Variants in CUBN observed in about 807,000 individuals in gnomAD.
CUBN encodes cubilin.
A neutral mutation model predicts 405.3 loss-of-function variants in CUBN; 282 were observed. The observed-to-expected ratio is 0.70, with a 90% confidence interval of 0.63 to 0.77. The LOEUF (loss-of-function observed/expected upper bound fraction) is 0.77. CUBN is among the 30% of genes least tolerant of loss of function. The pLI, the probability that CUBN is intolerant of heterozygous loss-of-function variation, is 0.00. For missense variants in CUBN, 4,514 were observed against 4,475.2 expected (o/e 1.01, Z -0.25); for synonymous variants, 1,684 against 1,617.0 (o/e 1.04, Z -0.99).
At chr10:16,904,341 T>A (rs1171626824) in intron 50 of CUBN, among the ~76,000 whole-genome samples, 1 of 152,238 alleles carries the variant, frequency 6.6e-6, no homozygotes. Flanking sequence ...GAAATGAACC[T>A]CTATGATGGA....
At chr10:16,854,282 C>A (rs1432799964) in intron 59 of CUBN, among the ~76,000 whole-genome samples, 1 of 152,158 alleles carries the variant, frequency 6.6e-6, no homozygotes, top group African/African-American at 2.4e-5. Context: ...GAATAGGGCA[C>A]ATGAAGGAGA....
Position 16,906,249 on chromosome 10 carries a change from T to C in CUBN, c.7866A>G (p.Leu2622=), listed in dbSNP as rs2131435132. The change falls in exon 50 of 67, where the codon CTA becomes CTG. Residue 2622 remains leucine, a synonymous_variant. Coordinates refer to ENST00000377833, the MANE Select transcript of CUBN (RefSeq NM_001081.4). ...SISIHFEDFY[L]ESHQDCQFDV... ...CAAATTGACAGTCTTGGTGACTTTC[T>C]AGGTAAAAATCTTCAAAGTGAATGG... is the stretch of plus-strand genomic sequence containing the variant. 1 of 1,614,148 alleles carries C rather than the reference T, an allele frequency of 6.2e-7. No homozygotes were observed. The highest frequency in any genetic ancestry group is 8.5e-7 in the Non-Finnish European group (1 of 1,179,978).
rs200808196 is a variant in CUBN at position 16,900,653 on chromosome 10, A to G, written c.8382T>C (p.Phe2794=). 1.9e-5 allele frequency: 30 copies of G among 1,614,068 alleles called. No individual in the cohort carries two copies. Among genetic ancestry groups the G allele is most frequent in the African/African-American group, 2.7e-5 (2 of 74,956 alleles). The change falls in exon 53 of 67, where the codon TTT becomes TTC. Residue 2794 remains phenylalanine (F), a synonymous_variant. Coordinates refer to ENST00000377833, the MANE Select transcript of CUBN (RefSeq NM_001081.4). ...NSDHSLQGGG[F]YATWNTQTLG... ...AAGTTTGTGTGTTCCACGTAGCATA[A>G]AATCCACCACCTTGCAATGAATGGT...
intron 14 of CUBN, among the ~76,000 whole-genome samples, chr10:17,094,731 C>A (rs1015829017): frequency 6.6e-6 from 1 of 151,720 alleles, no homozygotes; most frequent in East Asian, 1.9e-4. Flanking sequence ...GAAAACTATA[C>A]CACATTAATG....
chr10:17,121,010 T>C (rs1179547256), intron 6 of CUBN, among the ~76,000 whole-genome samples: 1 of 152,100 alleles, frequency 6.6e-6, no homozygotes, highest in Admixed American at 6.5e-5. Flanking sequence ...CAGGAGATAA[T>C]GGGTTCACGG....
At chr10:16,839,055 C>A (rs986956576) in intron 62 of CUBN, among the ~76,000 whole-genome samples, 23 of 152,280 alleles carry the variant, frequency 1.5e-4, no homozygotes, top group African/African-American at 5.5e-4. Flanking sequence ...TTCAATTCAA[C>A]CTATACATAA....
At chr10:17,081,479 C>CT (rs1206834552) in intron 17 of CUBN, among the ~76,000 whole-genome samples, 1 of 152,054 alleles carries the variant, frequency 6.6e-6, no homozygotes, top group East Asian at 1.9e-4. Flanking sequence ...TACCAACATT[C>CT]TTTTTTTAAT....
intron 31 of CUBN, among the ~76,000 whole-genome samples, chr10:16,975,624 C>CTTTTTTTTTTTTTTTTTTTTTTTTTTTT: frequency 8.0e-6 from 1 of 124,308 alleles, no homozygotes; most frequent in Non-Finnish European, 1.6e-5. Flanking sequence ...TAAAGACCTT[C>CTTTTTTTTTTTTTTTTTTTTTTTTTTTT]TTTTTTTTTT....
intron 55 of CUBN, among the ~76,000 whole-genome samples, chr10:16,889,747 A>T (rs1366365886): frequency 6.6e-6 from 1 of 151,622 alleles, no homozygotes; most frequent in Non-Finnish European, 1.5e-5. Flanking sequence ...TACAAAAAAA[A>T]AAAAATTAGC....
chr10:16,875,102 C>T (rs1366130774), intron 57 of CUBN, among the ~76,000 whole-genome samples: 1 of 151,810 alleles, frequency 6.6e-6, no homozygotes, highest in African/African-American at 2.4e-5. Flanking sequence ...ACTAAACTTG[C>T]CCCAGTTTGT....
chr10:17,120,842 A>G (rs768577740), intron 6 of CUBN, among the ~76,000 whole-genome samples: 1 of 152,220 alleles, frequency 6.6e-6, no homozygotes, highest in Non-Finnish European at 1.5e-5. Context: ...AGACTCCAAA[A>G]GACAGTGATG....
At chr10:16,992,247 G>A (rs1488154693) in intron 28 of CUBN, among the ~76,000 whole-genome samples, 2 of 152,096 alleles carry the variant, frequency 1.3e-5, no homozygotes, top group African/African-American at 2.4e-5. Flanking sequence ...GTCATGGGGT[G>A]GGGGAAGGGG....
chr10:16,883,366 C>G (rs962071014), intron 56 of CUBN, among the ~76,000 whole-genome samples: 2 of 152,210 alleles, frequency 1.3e-5, no homozygotes, highest in Non-Finnish European at 2.9e-5. Flanking sequence ...TGCTCCAGTG[C>G]TCTGCCAGTT....
chr10:17,115,243 C>CAA lies in CUBN; in HGVS notation c.720+226_720+227dup, dbSNP rs71377018. ...TGGGTGACAGAGTGAGGCTCCATCT[C>CAA]AAAAAAAAAAAAAAAAAAAAATCCT... On this transcript the variant is annotated intron_variant, in intron 7 of 66. Coordinates refer to ENST00000377833, the MANE Select transcript of CUBN (RefSeq NM_001081.4). 2.4e-3 allele frequency among the ~76,000 whole-genome samples: 291 copies of CAA among 122,242 alleles called. 2 individuals carry two copies. The highest frequency in any genetic ancestry group is 8.5e-3 in the African/African-American group (265 of 31,034). The allele number at this position is 122,242 out of a possible 152,430, so 80.2% of individuals were successfully genotyped here.
intron 39 of CUBN, among the ~76,000 whole-genome samples, chr10:16,936,690 C>T (rs940346814): frequency 8.5e-5 from 13 of 152,206 alleles, no homozygotes; most frequent in Middle Eastern, 3.4e-3. Context: ...CCATAAGAAA[C>T]GCTCAAATTC....
intron 36 of CUBN, among the ~76,000 whole-genome samples, chr10:16,945,543 GA>G (rs1842754255): frequency 1.3e-5 from 2 of 152,078 alleles, no homozygotes; most frequent in African/African-American, 4.8e-5. Context: ...CAAGGTGGGT[GA>G]ATTACTTGAA....
chr10:17,041,287 T>G, intron 26 of CUBN, 67 bp from the exon 27 acceptor site: 1 of 1,332,584 alleles, frequency 7.5e-7, no homozygotes, highest in Non-Finnish European at 1.1e-6. Flanking sequence ...GATGAGATTT[T>G]CCTTTAAAAA....
intron 56 of CUBN, among the ~76,000 whole-genome samples, chr10:16,880,981 T>A (rs1840653042): frequency 6.6e-6 from 1 of 152,206 alleles, no homozygotes; most frequent in Non-Finnish European, 1.5e-5. Flanking sequence ...AGATTCATGG[T>A]TTGAATATTG....
chr10:17,077,378 A>G (rs1835876073), intron 17 of CUBN, among the ~76,000 whole-genome samples: 2 of 152,314 alleles, frequency 1.3e-5, no homozygotes, highest in South Asian at 4.1e-4. Flanking sequence ...GAGAAACACC[A>G]TTTACATGAA....
Sources: allele counts gnomAD v4.1 joint callset (sites outside exome capture counted in the v4.1 genomes callset), GRCh38; gene constraint gnomAD v4.1.1; transcripts MANE v1.5; gene names NCBI Gene and HGNC (gene_info 2026-07-23, HGNC 2026-07-21).